ROBO2: variants seen among roughly 807,000 people sequenced by gnomAD.
ROBO2 encodes roundabout guidance receptor 2.
Under a neutral mutation model 160.8 loss-of-function variants are expected in ROBO2, and 53 were observed. The ratio of observed to expected loss-of-function variants is 0.33; its 90% CI spans 0.26 to 0.41. The LOEUF (loss-of-function observed/expected upper bound fraction) is 0.41, where lower values mean the gene tolerates loss of function less well. ROBO2 is among the 10% of genes least tolerant of loss of function. ROBO2 has a pLI of 1.00. For synonymous variants in ROBO2, 664 were observed against 611.7 expected (o/e 1.09, Z -1.26); for missense variants, 1,577 against 1,722.4 (o/e 0.92, Z 1.49).
At chr3:77,194,107 T>C (rs1009658152) in intron 2 of ROBO2, among the ~76,000 whole-genome samples, 3 of 152,186 alleles carry the variant, frequency 2.0e-5, no homozygotes, top group Non-Finnish European at 4.4e-5. Flanking sequence ...GATTCAAATA[T>C]TTTGTTTTTA....
intron 2 of ROBO2, among the ~76,000 whole-genome samples, chr3:76,306,645 A>G (rs1264763573): frequency 6.6e-6 from 1 of 152,202 alleles, no homozygotes; most frequent in Non-Finnish European, 1.5e-5. Context: ...ATAATTTCCC[A>G]TTATTCTTTG....
intron 2 of ROBO2, among the ~76,000 whole-genome samples, chr3:77,420,349 G>A (rs1254589666): frequency 4.6e-5 from 7 of 151,830 alleles, no homozygotes; most frequent in Non-Finnish European, 7.4e-5. Context: ...GTATGCATAT[G>A]GTATATATGG....
chr3:76,184,887 C>A (rs757058475), intron 2 of ROBO2, among the ~76,000 whole-genome samples: 13 of 151,780 alleles, frequency 8.6e-5, no homozygotes, highest in Non-Finnish European at 1.6e-4. Flanking sequence ...ACATATTTGC[C>A]TTTTTTTCTG....
intron 2 of ROBO2, among the ~76,000 whole-genome samples, chr3:76,869,342 G>GTTTTTTTTTTTT (rs34051755): frequency 5.6e-5 from 4 of 71,356 alleles, no homozygotes; most frequent in African/African-American, 1.5e-4. Context: ...AGAAATTGAT[G>GTTTTTTTTTTTT]TTTTTTTTTT....
At chr3:77,251,970 G>A (rs60194061) in intron 2 of ROBO2, among the ~76,000 whole-genome samples, 32,886 of 152,052 alleles carry the variant, frequency 0.22, 3,861 homozygotes, top group Middle Eastern at 0.31. Context: ...TACATGGCCA[G>A]CCTGGAAAAT....
At chr3:76,480,515 G>A (rs921945628) in intron 2 of ROBO2, among the ~76,000 whole-genome samples, 1 of 152,068 alleles carries the variant, frequency 6.6e-6, no homozygotes, top group African/African-American at 2.4e-5. Context: ...CAAACTGAGA[G>A]GTTTATAAAC....
chr3:77,547,669 C>G (rs1424098591), intron 7 of ROBO2, among the ~76,000 whole-genome samples: 1 of 151,972 alleles, frequency 6.6e-6, no homozygotes, highest in African/African-American at 2.4e-5. Context: ...GGACAAATGG[C>G]CTTTTATTCC....
At chr3:76,607,347 G>T (rs1295136314) in intron 2 of ROBO2, among the ~76,000 whole-genome samples, 1 of 152,172 alleles carries the variant, frequency 6.6e-6, no homozygotes, top group East Asian at 1.9e-4. Context: ...ATTTTTAATA[G>T]AACCTCTTTA....
intron 2 of ROBO2, among the ~76,000 whole-genome samples, chr3:76,732,872 T>G (rs1477985445): frequency 2.0e-5 from 3 of 152,178 alleles, no homozygotes; most frequent in East Asian, 3.9e-4. Flanking sequence ...ATGTGAGGTT[T>G]ATGATGAGTC....
chr3:76,447,851 T>C (rs1391996799), intron 2 of ROBO2, among the ~76,000 whole-genome samples: 1 of 129,972 alleles, frequency 7.7e-6, no homozygotes, highest in African/African-American at 3.0e-5. Flanking sequence ...ATGAGAACAC[T>C]TGGGCACAGG....
At chr3:75,976,517 G>A (rs929131811) in intron 2 of ROBO2, among the ~76,000 whole-genome samples, 5 of 151,396 alleles carry the variant, frequency 3.3e-5, no homozygotes, top group East Asian at 2.0e-4. Context: ...CTCTCAGAGC[G>A]GAAGAGAGGA....
At chr3:76,418,758 G>T (rs933131621) in intron 2 of ROBO2, among the ~76,000 whole-genome samples, 1 of 149,304 alleles carries the variant, frequency 6.7e-6, no homozygotes. Flanking sequence ...ATAATCACGT[G>T]TACTCTTTAC....
At chr3:77,606,492 T>G (rs981315377) in intron 20 of ROBO2, among the ~76,000 whole-genome samples, 1 of 151,408 alleles carries the variant, frequency 6.6e-6, no homozygotes, top group Non-Finnish European at 1.5e-5. Context: ...CAAACAAGTA[T>G]ACTACAAGGC....
intron 2 of ROBO2, among the ~76,000 whole-genome samples, chr3:76,443,542 G>T (rs144341601): frequency 2.0e-3 from 310 of 152,164 alleles, no homozygotes; most frequent in African/African-American, 7.1e-3. Flanking sequence ...TCAGATAAGG[G>T]TTACTTAGGT....
chr3:75,997,788 C>T (rs565390037), intron 2 of ROBO2, among the ~76,000 whole-genome samples: 21 of 152,168 alleles, frequency 1.4e-4, no homozygotes, highest in East Asian at 9.7e-4. Context: ...CCACCGCGCC[C>T]GGCAAGTGGT....
intron 2 of ROBO2, among the ~76,000 whole-genome samples, chr3:76,268,229 C>T (rs556777286): frequency 6.6e-6 from 1 of 150,742 alleles, no homozygotes; most frequent in Admixed American, 6.6e-5. Flanking sequence ...ATAATTGTGC[C>T]ATTGCACCCC....
At chr3:76,516,922 T>C (rs2081371054) in intron 2 of ROBO2, among the ~76,000 whole-genome samples, 1 of 152,198 alleles carries the variant, frequency 6.6e-6, no homozygotes. Context: ...TCTCTTCTTA[T>C]TTTGAAAAAG....
At chr3:76,021,113 G>C (rs1050862974) in intron 2 of ROBO2, among the ~76,000 whole-genome samples, 13 of 151,580 alleles carry the variant, frequency 8.6e-5, no homozygotes, top group African/African-American at 2.9e-4. Context: ...TATTATCACT[G>C]CAAATTTCCA....
intron 2 of ROBO2, among the ~76,000 whole-genome samples, chr3:76,430,486 T>A (rs368176733): frequency 6.6e-6 from 1 of 152,110 alleles, no homozygotes; most frequent in Non-Finnish European, 1.5e-5. Context: ...AGAAGCCTAT[T>A]TTTATTTTCT....
Sources: allele counts gnomAD v4.1 joint callset (sites outside exome capture counted in the v4.1 genomes callset), GRCh38; gene constraint gnomAD v4.1.1; transcripts MANE v1.5; gene names NCBI Gene and HGNC (gene_info 2026-07-23, HGNC 2026-07-21).